CCDC102B: variants seen among roughly 807,000 people sequenced by gnomAD.
The protein encoded by CCDC102B is coiled-coil domain containing 102B, also known as coiled-coil domain-containing protein 102B.
A neutral mutation model predicts 57.4 loss-of-function variants in CCDC102B; 75 were observed. That is an observed-to-expected ratio of 1.31 (90% CI 1.08 to 1.58). CCDC102B has a LOEUF of 1.58. Among genes scored for constraint, CCDC102B ranks in the 40% most tolerant of loss-of-function variants. The pLI is 0.00. For missense variants in CCDC102B, 636 were observed against 582.6 expected (o/e 1.09, Z -0.94); for synonymous variants, 206 against 201.9 (o/e 1.02, Z -0.17).
At chr18:68,853,624 A>G (rs538053975) in intron 4 of CCDC102B, among the ~76,000 whole-genome samples, 1 of 144,948 alleles carries the variant, frequency 6.9e-6, no homozygotes, top group South Asian at 2.2e-4. Flanking sequence ...TTGTTTTCTC[A>G]TTTCAAATAT....
chr18:68,795,817 A>G (rs1370383546), upstream of CCDC102B, among the ~76,000 whole-genome samples: 2 of 152,184 alleles, frequency 1.3e-5, no homozygotes, highest in African/African-American at 4.8e-5. Context: ...CAACTCACCA[A>G]ATATGTGTGG....
chr18:68,849,299 G>A (rs1054717690), intron 4 of CCDC102B, among the ~76,000 whole-genome samples: 3 of 152,176 alleles, frequency 2.0e-5, no homozygotes, highest in East Asian at 1.9e-4. Flanking sequence ...ATTAGAAATA[G>A]GTGTATGGTG....
chr18:68,894,517 T>G (rs2145006312), intron 5 of CCDC102B, among the ~76,000 whole-genome samples: 1 of 152,002 alleles, frequency 6.6e-6, no homozygotes. Context: ...ATTATTGTAA[T>G]TTTTATGATA....
At chr18:68,735,297 G>A (rs1212527845) in intron 2 of CCDC102B, among the ~76,000 whole-genome samples, 2 of 152,062 alleles carry the variant, frequency 1.3e-5, no homozygotes, top group African/African-American at 2.4e-5. Context: ...GACCTCAGGC[G>A]ATCTGCCTGC....
At chr18:68,866,780 C>T (rs1471312178) in intron 4 of CCDC102B, 7 of 675,034 alleles carry the variant, frequency 1.0e-5, no homozygotes, top group Admixed American at 5.4e-5. Flanking sequence ...TTTGGTATGT[C>T]GGTGCTTTTG....
At chr18:68,885,448 T>C (rs938075203) in intron 5 of CCDC102B, among the ~76,000 whole-genome samples, 4 of 152,122 alleles carry the variant, frequency 2.6e-5, no homozygotes, top group African/African-American at 9.6e-5. Flanking sequence ...GTTCATTTCA[T>C]TAAAGTTCGT....
intron 2 of CCDC102B, among the ~76,000 whole-genome samples, chr18:68,762,658 C>A (rs564606744): frequency 6.6e-6 from 1 of 152,024 alleles, no homozygotes; most frequent in Non-Finnish European, 1.5e-5. Flanking sequence ...AAAAAAGCAT[C>A]GTGTGTGGAG....
At chr18:68,925,015 A>T (rs752787362) in intron 6 of CCDC102B, among the ~76,000 whole-genome samples, 7 of 151,916 alleles carry the variant, frequency 4.6e-5, no homozygotes, top group Non-Finnish European at 7.4e-5. Flanking sequence ...TGGCCAACAA[A>T]CCACACCTTA....
chr18:68,812,089 T>C (rs913733943), intron 1 of CCDC102B, among the ~76,000 whole-genome samples: 10 of 152,164 alleles, frequency 6.6e-5, no homozygotes, highest in Admixed American at 5.9e-4. Flanking sequence ...GTGCCTAATC[T>C]TTTCTTGTTA....
chr18:68,855,638 C>T (rs944566532), intron 4 of CCDC102B, among the ~76,000 whole-genome samples: 1 of 152,086 alleles, frequency 6.6e-6, no homozygotes, highest in Non-Finnish European at 1.5e-5. Flanking sequence ...TCTGTAGCCC[C>T]AAGAGCCTGA....
intron 5 of CCDC102B, among the ~76,000 whole-genome samples, chr18:68,886,461 A>G (rs1257378483): frequency 1.3e-5 from 2 of 152,100 alleles, no homozygotes; most frequent in Non-Finnish European, 2.9e-5. Flanking sequence ...GTGATCTTGA[A>G]CCCATTGTTG....
intron 6 of CCDC102B, among the ~76,000 whole-genome samples, chr18:68,998,316 CAT>C (rs904488055): frequency 1.8e-4 from 9 of 50,636 alleles, no homozygotes; most frequent in South Asian, 1.4e-3. Flanking sequence ...CATATATACA[CAT>C]GTGTCTCTAT....
At chr18:69,030,652 G>T (rs6566405) in intron 7 of CCDC102B, among the ~76,000 whole-genome samples, 11,828 of 152,104 alleles carry the variant, frequency 0.078, 1,542 homozygotes, top group African/African-American at 0.27. Flanking sequence ...TAACAAATGA[G>T]TATGTTTTTG....
chr18:68,857,081 AATATATTTATAT>A, intron 4 of CCDC102B, among the ~76,000 whole-genome samples: 1 of 116,118 alleles, frequency 8.6e-6, no homozygotes, highest in African/African-American at 3.4e-5. Flanking sequence ...ATTATATATA[AATATATTTATAT>A]ATTTTTATAT....
At chr18:68,898,327 C>T (rs1217576772) in intron 6 of CCDC102B, among the ~76,000 whole-genome samples, 1 of 151,970 alleles carries the variant, frequency 6.6e-6, no homozygotes, top group Non-Finnish European at 1.5e-5. Flanking sequence ...AAATTGAATT[C>T]CATATTATTT....
At chr18:68,863,005 A>G (rs2038826956) in intron 4 of CCDC102B, among the ~76,000 whole-genome samples, 1 of 151,952 alleles carries the variant, frequency 6.6e-6, no homozygotes, top group Admixed American at 6.6e-5. Context: ...ATCACTAAAT[A>G]TAACAATAAC....
intron 4 of CCDC102B, among the ~76,000 whole-genome samples, chr18:68,860,845 T>A (rs868698481): frequency 4.2e-5 from 6 of 143,708 alleles, no homozygotes; most frequent in African/African-American, 1.5e-4. Context: ...CACCTCAAAA[T>A]AGAATATAAG....
intron 2 of CCDC102B, among the ~76,000 whole-genome samples, chr18:68,781,531 C>T (rs2035007802): frequency 6.6e-6 from 1 of 152,066 alleles, no homozygotes; most frequent in Admixed American, 6.6e-5. Context: ...CCAGGCTGTC[C>T]TCCAAGAATT....
chr18:68,772,697 A>G (rs745558628), intron 2 of CCDC102B, among the ~76,000 whole-genome samples: 1 of 152,084 alleles, frequency 6.6e-6, no homozygotes, highest in African/African-American at 2.4e-5. Flanking sequence ...TTACTTGGAA[A>G]TTGAAATTTA....
Sources: allele counts gnomAD v4.1 joint callset (sites outside exome capture counted in the v4.1 genomes callset), GRCh38; gene constraint gnomAD v4.1.1; transcripts MANE v1.5; gene names NCBI Gene and HGNC (gene_info 2026-07-23, HGNC 2026-07-21).